UBAP2: variants seen among roughly 807,000 people sequenced by gnomAD.
UBAP2 encodes ubiquitin associated protein 2.
UBAP2 carries 75 observed loss-of-function variants against 139.6 expected under a neutral mutation model. That is an observed-to-expected ratio of 0.54 (90% confidence interval 0.45 to 0.65). UBAP2 has a LOEUF of 0.65. Ranked by LOEUF, UBAP2 falls within the 30% of genes least tolerant of loss-of-function variation. The probability of loss-of-function intolerance (pLI) is 0.00; values close to 1 mark genes in which losing one functional copy is unlikely to be tolerated. For missense variants in UBAP2, 1,368 were observed against 1,369.6 expected, an observed-to-expected ratio of 1.00 and a Z score of 0.02; for synonymous variants, 526 against 526.2, an observed-to-expected ratio of 1.00 and a Z score of 0.01.
intron 6 of UBAP2, among the ~76,000 whole-genome samples, chr9:33,980,296 G>A (rs1445274813): frequency 8.5e-6 from 1 of 117,242 alleles, no homozygotes; most frequent in Non-Finnish European, 1.6e-5. Flanking sequence ...GCAGTGGCGT[G>A]ATCTCGGGTC....
intron 19 of UBAP2, chr9:33,928,249 A>C: frequency 2.5e-6 from 1 of 403,796 alleles, no homozygotes; most frequent in South Asian, 7.1e-5. Flanking sequence ...TAATGACCAC[A>C]ACTCTCTGTA....
chr9:34,033,933 G>A (rs747641480), intron 1 of UBAP2, among the ~76,000 whole-genome samples: 5 of 151,790 alleles, frequency 3.3e-5, no homozygotes, highest in African/African-American at 1.2e-4. Context: ...ACGGGGTTTC[G>A]TCATGTTGGC....
At chr9:33,966,727 G>A (rs1004369195) in intron 8 of UBAP2, among the ~76,000 whole-genome samples, 1 of 151,840 alleles carries the variant, frequency 6.6e-6, no homozygotes, top group Admixed American at 6.6e-5. Flanking sequence ...AAAAAGTACT[G>A]TTTTTCTTAT....
chr9:33,983,957 G>T (rs1326170465), intron 6 of UBAP2, among the ~76,000 whole-genome samples: 1 of 151,992 alleles, frequency 6.6e-6, no homozygotes, highest in Non-Finnish European at 1.5e-5. Flanking sequence ...TGTCACACAG[G>T]CTAGAGTGCA....
intron 1 of UBAP2, among the ~76,000 whole-genome samples, chr9:34,041,598 G>A (rs893334379): frequency 2.0e-5 from 3 of 152,066 alleles, no homozygotes; most frequent in African/African-American, 4.8e-5. Context: ...TCGGGAGGCC[G>A]AGGCAGGAGA....
intron 1 of UBAP2, among the ~76,000 whole-genome samples, chr9:34,038,239 A>T (rs540424104): frequency 2.3e-4 from 35 of 151,706 alleles, no homozygotes; most frequent in Non-Finnish European, 4.4e-4. Flanking sequence ...TCATGAGGTC[A>T]GGAGTTCAAG....
intron 1 of UBAP2, among the ~76,000 whole-genome samples, chr9:34,047,856 T>C (rs1228052126): frequency 6.6e-6 from 1 of 152,216 alleles, no homozygotes; most frequent in Non-Finnish European, 1.5e-5. Flanking sequence ...ACTGTTAGGA[T>C]ACACTGGTGC....
chr9:34,045,123 G>A (rs925404008), intron 1 of UBAP2, among the ~76,000 whole-genome samples: 1 of 151,950 alleles, frequency 6.6e-6, no homozygotes, highest in African/African-American at 2.4e-5. Context: ...CGAGGCGGGC[G>A]GATCACGAGG....
At position 33,943,402 on chromosome 9, in the gene UBAP2, A is replaced by G. The variant is rs772925145; in HGVS notation, c.1715+18T>C. 3.5e-5 allele frequency: 56 copies of G among 1,612,718 alleles called. No homozygotes were observed. Among genetic ancestry groups the G allele is most frequent in the Non-Finnish European group, 4.7e-5 (56 of 1,179,298 alleles). ...TTAGGGTCTATTTTGCTTCATAACA[A>G]AGGACTAAATTCAGTACCTTAAAGA... On this transcript the variant is annotated intron_variant, in intron 15 of 28. Coordinates refer to ENST00000379238, the MANE Select transcript of UBAP2 (RefSeq NM_001370062.2).
chr9:33,993,958 G>A (rs918128876), intron 4 of UBAP2, among the ~76,000 whole-genome samples: 29 of 146,768 alleles, frequency 2.0e-4, no homozygotes, highest in African/African-American at 6.2e-4. Context: ...GCAATGCCGC[G>A]ATCTCGGCTC....
intron 3 of UBAP2, 95 bp downstream of exon 3, chr9:33,998,688 GAAGT>G: frequency 1.9e-6 from 2 of 1,070,724 alleles, no homozygotes; most frequent in East Asian, 2.5e-5. Flanking sequence ...CTAGAAGCTA[GAAGT>G]AATACTTTAA....
Position 33,941,590 on chromosome 9 carries a change from A to G in UBAP2, c.1929+59T>C, listed in dbSNP as rs1047767250. ...ATATCCAAGAAGCATAATTTAACCA[A>G]ACATTAATTTCCAAATAAGACGGAC... is the stretch of plus-strand genomic sequence containing the variant. On this transcript the variant is annotated intron_variant, in intron 16 of 28. Transcript: ENST00000379238. 1.8e-5 allele frequency: 25 copies of G among 1,408,408 alleles called. No individual in the cohort carries two copies. The African/African-American group carries it at 3.4e-4, about 19-fold the overall frequency. The allele number at this position is 1,408,408 out of a possible 1,614,324, so 87.2% of individuals were successfully genotyped here.
intron 8 of UBAP2, chr9:33,968,363 A>G (rs1483077628): frequency 6.9e-6 from 4 of 577,104 alleles, no homozygotes; most frequent in Admixed American, 3.8e-5. Flanking sequence ...AGGTTCAACA[A>G]TAACATCATA....
chr9:33,973,172 C>G lies in UBAP2; in HGVS notation c.575+11G>C. On this transcript the variant is annotated intron_variant, in intron 7 of 28. Coordinates refer to ENST00000379238, the MANE Select transcript of UBAP2 (RefSeq NM_001370062.2). The stretch of plus-strand genomic sequence containing the variant: ...GTAAATAATTATAAAAATAGGATGG[C>G]TATCACTTACCCCATGCCTTGGGTT... 1 of 1,613,154 alleles carries G rather than the reference C, an allele frequency of 6.2e-7. No homozygotes were observed. Among genetic ancestry groups the G allele is most frequent in the Non-Finnish European group, 8.5e-7 (1 of 1,179,338 alleles).
chr9:33,978,460 G>C (rs190571773), intron 6 of UBAP2, among the ~76,000 whole-genome samples: 2 of 152,188 alleles, frequency 1.3e-5, no homozygotes, highest in African/African-American at 4.8e-5. Flanking sequence ...CCGTATTCAT[G>C]CAATAATTAG....
intron 1 of UBAP2, among the ~76,000 whole-genome samples, chr9:34,040,826 T>G (rs1476948196): frequency 2.0e-5 from 3 of 152,228 alleles, no homozygotes; most frequent in Non-Finnish European, 4.4e-5. Context: ...ATTCATTATG[T>G]ACCATCCTTG....
At chr9:33,989,507 C>G (rs765881481) in intron 4 of UBAP2, among the ~76,000 whole-genome samples, 1 of 152,058 alleles carries the variant, frequency 6.6e-6, no homozygotes, top group African/African-American at 2.4e-5. Flanking sequence ...GGCACATGCA[C>G]GTATCTTTCA....
At chr9:34,012,468 T>C (rs745350616) in intron 2 of UBAP2, among the ~76,000 whole-genome samples, 1 of 151,484 alleles carries the variant, frequency 6.6e-6, no homozygotes, top group Non-Finnish European at 1.5e-5. Context: ...GAGGCGGAGG[T>C]TGCAGTGAGC....
chr9:34,010,111 G>C (rs1823616935), intron 2 of UBAP2, among the ~76,000 whole-genome samples: 1 of 97,280 alleles, frequency 1.0e-5, no homozygotes, highest in Admixed American at 1.2e-4. Context: ...CCAGCCCGAG[G>C]TCCTGTCTAT....
Sources: gnomAD v4.1 joint callset for allele counts (sites outside exome capture counted in the v4.1 genomes callset) on GRCh38, gnomAD v4.1.1 for gene constraint, MANE v1.5 for transcripts, NCBI Gene and HGNC (gene_info 2026-07-23, HGNC 2026-07-21) for gene names.